The following GPR39 variants were observed in gnomAD, a reference collection of about 807,000 sequenced individuals.
GPR39 encodes the protein G protein-coupled receptor 39.
A neutral mutation model predicts 18.4 loss-of-function variants in GPR39; 23 were observed. That is an observed-to-expected ratio of 1.25 (90% CI 0.90 to 1.77). The LOEUF is 1.77. Ranked by LOEUF, GPR39 falls within the 40% of genes most tolerant of loss-of-function variation. The probability of loss-of-function intolerance (pLI) is 0.00; values close to 1 mark genes in which losing one functional copy is unlikely to be tolerated. For synonymous variants in GPR39, 280 were observed against 257.9 expected, an observed-to-expected ratio of 1.09 and a Z score of -0.82; for missense variants, 647 against 602.4, an observed-to-expected ratio of 1.07 and a Z score of -0.78.
chr2:132,426,765 C>T (rs540527446), intron 1 of GPR39, among the ~76,000 whole-genome samples: 3 of 152,312 alleles, frequency 2.0e-5, no homozygotes, highest in Non-Finnish European at 4.4e-5. Flanking sequence ...GCTTTGCACA[C>T]CGCAAAGGTG....
chr2:132,504,549 C>T (rs182254807), intron 1 of GPR39, among the ~76,000 whole-genome samples: 5 of 152,236 alleles, frequency 3.3e-5, no homozygotes, highest in Admixed American at 3.3e-4. Flanking sequence ...CTGTGGACAC[C>T]CTTCAATCAC....
intron 1 of GPR39, among the ~76,000 whole-genome samples, chr2:132,551,889 T>C (rs1680051314): frequency 6.6e-6 from 1 of 152,200 alleles, no homozygotes. Flanking sequence ...TGCTCGGTTC[T>C]CTGCTAGGCA....
intron 1 of GPR39, among the ~76,000 whole-genome samples, chr2:132,591,932 G>A (rs548266878): frequency 6.6e-6 from 1 of 152,230 alleles, no homozygotes; most frequent in African/African-American, 2.4e-5. Flanking sequence ...TGTGTGTTTG[G>A]TGTATGGTCA....
chr2:132,555,227 G>A (rs1437921552), intron 1 of GPR39, among the ~76,000 whole-genome samples: 1 of 112,280 alleles, frequency 8.9e-6, no homozygotes, highest in East Asian at 8.0e-4. Context: ...TGGGATTACA[G>A]GTGTGAGCCT....
At chr2:132,480,190 A>G (rs1351816060) in intron 1 of GPR39, among the ~76,000 whole-genome samples, 1 of 152,212 alleles carries the variant, frequency 6.6e-6, no homozygotes, top group African/African-American at 2.4e-5. Context: ...TTTGACTTAT[A>G]TGAGGTATCT....
At chr2:132,564,203 G>A (rs1680307134) in intron 1 of GPR39, among the ~76,000 whole-genome samples, 1 of 152,188 alleles carries the variant, frequency 6.6e-6, no homozygotes, top group Non-Finnish European at 1.5e-5. Context: ...GAGCGCTGGA[G>A]GAAATGTAAT....
intron 1 of GPR39, among the ~76,000 whole-genome samples, chr2:132,624,987 A>G (rs1573705064): frequency 6.6e-6 from 1 of 152,246 alleles, no homozygotes; most frequent in East Asian, 1.9e-4. Flanking sequence ...GAACAGCTCT[A>G]CTAGAGACTG....
At chr2:132,566,153 GA>G in intron 1 of GPR39, among the ~76,000 whole-genome samples, 1 of 148,444 alleles carries the variant, frequency 6.7e-6, no homozygotes, top group Non-Finnish European at 1.5e-5. Flanking sequence ...GATGGCCAGT[GA>G]TGATGAGCAT....
intron 1 of GPR39, among the ~76,000 whole-genome samples, chr2:132,576,448 T>C (rs553243293): frequency 6.6e-6 from 1 of 152,216 alleles, no homozygotes; most frequent in African/African-American, 2.4e-5. Flanking sequence ...AGCCCAGGAA[T>C]TCGAGACCAG....
At chr2:132,589,691 G>A (rs72983689) in intron 1 of GPR39, among the ~76,000 whole-genome samples, 30 of 152,274 alleles carry the variant, frequency 2.0e-4, no homozygotes, top group African/African-American at 7.2e-4. Flanking sequence ...AGCCTATTTG[G>A]TTTTATTAGT....
intron 1 of GPR39, among the ~76,000 whole-genome samples, chr2:132,567,306 A>G (rs1207150864): frequency 1.3e-5 from 2 of 152,142 alleles, no homozygotes; most frequent in African/African-American, 2.4e-5. Context: ...TGGGGGACAG[A>G]GGGAGACAGT....
chr2:132,540,584 G>A (rs942833725), intron 1 of GPR39, among the ~76,000 whole-genome samples: 10 of 152,204 alleles, frequency 6.6e-5, no homozygotes, highest in Admixed American at 2.6e-4. Context: ...GGCTAGGATG[G>A]CAGGTTGGGG....
chr2:132,563,272 A>G (rs1289353311), intron 1 of GPR39, among the ~76,000 whole-genome samples: 2 of 152,258 alleles, frequency 1.3e-5, no homozygotes, highest in Middle Eastern at 3.2e-3. Context: ...AAGGCCTATC[A>G]GCCACAGTAT....
intron 1 of GPR39, among the ~76,000 whole-genome samples, chr2:132,447,960 A>C (rs919384767): frequency 1.3e-5 from 2 of 152,314 alleles, no homozygotes; most frequent in Admixed American, 6.5e-5. Context: ...AGGGCAAAGC[A>C]TGGTTGGAAT....
chr2:132,522,206 G>A (rs371307953), intron 1 of GPR39, among the ~76,000 whole-genome samples: 22 of 152,266 alleles, frequency 1.4e-4, no homozygotes, highest in African/African-American at 5.1e-4. Context: ...CCCTTCTTGA[G>A]GGGAGATGCC....
chr2:132,490,702 G>A (rs1282633004), intron 1 of GPR39, among the ~76,000 whole-genome samples: 1 of 151,904 alleles, frequency 6.6e-6, no homozygotes, highest in African/African-American at 2.4e-5. Flanking sequence ...GCCAGATGAT[G>A]TGGGCACAGG....
At chr2:132,428,094 G>T (rs2104757141) in intron 1 of GPR39, among the ~76,000 whole-genome samples, 1 of 151,726 alleles carries the variant, frequency 6.6e-6, no homozygotes, top group South Asian at 2.1e-4. Context: ...ATATCCTCTA[G>T]AGAAGATGAA....
Position 132,645,428 on chromosome 2 carries a change from C to T in GPR39, c.1184C>T (p.Ala395Val), listed in dbSNP as rs765984930. The T allele has an allele frequency of 1.9e-6, 3 of 1,613,530 alleles. No individual in the cohort carries two copies. Among genetic ancestry groups the T allele is most frequent in the African/African-American group, 1.3e-5 (1 of 75,054 alleles). ...TTTGTGCAGCGCCCGTTGCTCTTCGCGTCCCGGCGCCAGTCCTCTGCAAGG... is the reference window on the plus strand; with the variant it reads ...TTTGTGCAGCGCCCGTTGCTCTTCGTGTCCCGGCGCCAGTCCTCTGCAAGG... ...ARFVQRPLLFASRRQSSARRT... is the reference protein window; with the variant it reads ...ARFVQRPLLFVSRRQSSARRT... Residue 395 changes from alanine (A) to valine (V), a missense_variant, in exon 2 of 2, where the codon GCG (alanine) becomes GTG (valine). By Grantham distance (64) the Ala-to-Val change is moderately conservative (BLOSUM62 0). Around this residue, in one of 3 missense-constraint regions of GPR39, gnomAD observed 581 missense variants for 506.8 expected, o/e 1.15. Transcript: ENST00000329321.
chr2:132,567,857 C>G (rs189626653), intron 1 of GPR39, among the ~76,000 whole-genome samples: 3 of 151,438 alleles, frequency 2.0e-5, no homozygotes, highest in Non-Finnish European at 4.4e-5. Flanking sequence ...TTCACGAGAT[C>G]TGATGGTTTT....
Sources: gnomAD v4.1 joint callset for allele counts (sites outside exome capture counted in the v4.1 genomes callset) on GRCh38, gnomAD v4.1.1 for gene constraint, gnomAD v4.1.1 regional missense constraint, MANE v1.5 for transcripts, NCBI Gene and HGNC (gene_info 2026-07-23, HGNC 2026-07-21) for gene names.